The following H4C3 variants were observed in gnomAD, a reference collection of about 807,000 sequenced individuals.
H4C3 encodes H4 clustered histone 3.
H4C3 carries 10 observed loss-of-function variants against 5.3 expected under a neutral mutation model. The ratio of observed to expected loss-of-function variants is 1.87; its 90% confidence interval spans 1.16 to 3.18. The LOEUF (loss-of-function observed/expected upper bound fraction) is 3.18, where lower values mean the gene tolerates loss of function less well. Among genes scored for constraint, H4C3 ranks in the 30% most tolerant of loss-of-function variants. H4C3 has a pLI of 0.00. For synonymous variants in H4C3, 133 were observed against 56.8 expected, an observed-to-expected ratio of 2.34 and a Z score of -6.03; for missense variants, 191 against 152.5, an observed-to-expected ratio of 1.25 and a Z score of -1.33.
In H4C3 at chr6:26,104,102, A is replaced by G. The variant is rs769218475; in HGVS notation, c.155A>G (p.Tyr52Cys). 1.9e-6 allele frequency: 3 copies of G among 1,614,140 alleles called. No homozygotes were observed. The highest frequency in any genetic ancestry group is 1.1e-5 in the South Asian group (1 of 91,080). ...GGVKRISGLI[Y>C]EETRGVLKVF... is the part of the protein sequence containing the mutation. Reference sequence around the variant, plus strand: ...GTCAAGCGCATTTCCGGTCTTATCTATGAGGAGACTCGAGGTGTGCTTAAG... The same window carrying G: ...GTCAAGCGCATTTCCGGTCTTATCTGTGAGGAGACTCGAGGTGTGCTTAAG... Residue 52 changes from tyrosine (Y) to cysteine (C), a missense_variant, in exon 1 of 1, where the codon TAT (tyrosine) becomes TGT (cysteine). Transcript: ENST00000377803.
At position 26,104,305 on chromosome 6, in the gene H4C3, A is replaced by G; in HGVS notation, c.*46A>G. 2.0e-6 allele frequency: 3 copies of G among 1,511,230 alleles called. No individual in the cohort carries two copies. The highest frequency in any genetic ancestry group is 2.6e-5 in the South Asian group (2 of 76,116). 93.6% of individuals were successfully genotyped at this position (1,511,230 alleles called of 1,614,324 possible). On this transcript the variant is annotated 3_prime_UTR_variant, in exon 1 of 1. Coordinates refer to ENST00000377803, the MANE Select transcript of H4C3 (RefSeq NM_003542.4). ...CTGAGAACTTCAAAAAACAAAAACA[A>G]AAAAACCCAAAGGCCCTTTTCAGGG...
rs138617314 is a variant in H4C3, at chr6:26,104,326, C to G, written c.*67C>G. ...AACAAAAAAACCCAAAGGCCCTTTT[C>G]AGGGCCGCTCACAAAGTCGTTTAAA... On this transcript the variant is annotated 3_prime_UTR_variant, in exon 1 of 1. Coordinates refer to ENST00000377803, the MANE Select transcript of H4C3 (RefSeq NM_003542.4). The G allele has an allele frequency of 2.2e-6, 3 of 1,388,518 alleles. No homozygotes were observed. The highest frequency in any genetic ancestry group is 2.9e-6 in the Non-Finnish European group (3 of 1,028,632). The allele number at this position is 1,388,518 out of a possible 1,614,324, so 86.0% of individuals were successfully genotyped here. A position where few individuals can be genotyped will look rare whatever the true frequency, so the allele number is the denominator to read the frequency against.
rs747366650 is a variant in H4C3 at position 26,104,189 on chromosome 6, CTG to C, written c.244_245del (p.Val82HisfsTer?). On this transcript the variant is annotated frameshift_variant, in exon 1 of 1. Transcript: ENST00000377803. LOFTEE classifies it high-confidence loss of function. ...TATACGGAGCACGCCAAGCGCAAAA[CTG>C]TCACAGCCATGGATGTAGTATATGC... 5.6e-6 allele frequency: 9 copies of C among 1,614,180 alleles called. No homozygotes were observed. Among genetic ancestry groups the C allele is most frequent in the Non-Finnish European group, 6.8e-6 (8 of 1,180,028 alleles).
rs1241263333 is a variant in H4C3 at position 26,103,990 on chromosome 6, G to T, written c.43G>T (p.Gly15Cys). Residue 15 changes from glycine (G) to cysteine (C), a missense_variant, in exon 1 of 1, where the codon GGT becomes TGT. Coordinates refer to ENST00000377803, the MANE Select transcript of H4C3 (RefSeq NM_003542.4). ...GKGGKGLGKG[G>C]AKRHRKVLRD... ...AGGCGGAAAAGGCTTGGGGAAGGGT[G>T]GTGCTAAGCGCCATCGTAAGGTGCT... is the stretch of plus-strand genomic sequence containing the variant. 2 of 1,613,374 alleles carry T rather than the reference G, an allele frequency of 1.2e-6. No homozygotes were observed. Among genetic ancestry groups the T allele is most frequent in the African/African-American group, 1.3e-5 (1 of 74,912 alleles).
chr6:26,103,999 C>T lies in H4C3; in HGVS notation c.52C>T (p.Arg18Cys), dbSNP rs757621417. 6.8e-6 allele frequency: 11 copies of T among 1,613,940 alleles called. No individual in the cohort carries two copies. The highest frequency in any genetic ancestry group is 1.1e-5 in the South Asian group (1 of 91,066). ...GKGLGKGGAKRHRKVLRDNIQ... is the reference protein window; with the variant it reads ...GKGLGKGGAKCHRKVLRDNIQ... ...AGGCTTGGGGAAGGGTGGTGCTAAG[C>T]GCCATCGTAAGGTGCTCCGGGATAA... The change falls in exon 1 of 1, where the codon CGC (arginine) becomes TGC (cysteine). Residue 18 changes from arginine (R) to cysteine (C), a missense_variant. By Grantham distance (180) the Arg-to-Cys change is radical. Transcript: ENST00000377803.
Position 26,104,200 on chromosome 6 carries a change from A to G in H4C3, c.253A>G (p.Met85Val), listed in dbSNP as rs947589839. 12 of 1,614,020 alleles carry G rather than the reference A, an allele frequency of 7.4e-6. No individual in the cohort carries two copies. The highest frequency in any genetic ancestry group is 9.3e-6 in the Non-Finnish European group (11 of 1,180,004). The change falls in exon 1 of 1, where the codon ATG (methionine) becomes GTG (valine). Residue 85 changes from methionine to valine, a missense_variant. By Grantham distance (21) the Met-to-Val change is conservative. Transcript: ENST00000377803. ...CGCCAAGCGCAAAACTGTCACAGCC[A>G]TGGATGTAGTATATGCCCTAAAACG... ...EHAKRKTVTA[M>V]DVVYALKRQG... is the part of the protein sequence containing the mutation.
In H4C3 at chr6:26,104,303, CA is replaced by C. The variant is rs58741377; in HGVS notation, c.*51del. On this transcript the variant is annotated 3_prime_UTR_variant, in exon 1 of 1. Coordinates refer to ENST00000377803, the MANE Select transcript of H4C3 (RefSeq NM_003542.4). ...TCCTGAGAACTTCAAAAAACAAAAA[CA>C]AAAAAACCCAAAGGCCCTTTTCAGG... 41 of 1,510,114 alleles carry C rather than the reference CA, an allele frequency of 2.7e-5. No individual in the cohort carries two copies. The highest frequency in any genetic ancestry group is 3.4e-5 in the Non-Finnish European group (38 of 1,124,902). The allele number at this position is 1,510,114 out of a possible 1,614,324, so 93.5% of individuals were successfully genotyped here. A position where few individuals can be genotyped will look rare whatever the true frequency, so the allele number is the denominator to read the frequency against.
At position 26,104,232 on chromosome 6, in the gene H4C3, G is replaced by T. The variant is rs1265050141; in HGVS notation, c.285G>T (p.Gly95=). The T allele has an allele frequency of 4.4e-6, 7 of 1,607,282 alleles. No homozygotes were observed. In the Middle Eastern group the frequency reaches 6.7e-4, roughly 153 times the overall value. The change falls in exon 1 of 1, where the codon GGG becomes GGT. Residue 95 remains glycine (G), a synonymous_variant. Coordinates refer to ENST00000377803, the MANE Select transcript of H4C3 (RefSeq NM_003542.4). ...TAGTATATGCCCTAAAACGTCAGGG[G>T]CGCACTCTGTATGGCTTCGGCGGCT... is the stretch of plus-strand genomic sequence containing the variant. ...MDVVYALKRQ[G]RTLYGFGG
rs1378358720 is a variant in H4C3 at position 26,104,253 on chromosome 6, C to T, written c.306C>T (p.Gly102=). The part of the protein sequence containing the change: ...KRQGRTLYGF[G]G ...AGGGGCGCACTCTGTATGGCTTCGG[C>T]GGCTGAATCTAAGAATACGCGGTCT... Residue 102 remains glycine (G), a synonymous_variant, in exon 1 of 1, where the codon GGC becomes GGT. Transcript: ENST00000377803. 1.9e-6 allele frequency: 3 copies of T among 1,585,264 alleles called. No homozygotes were observed. The highest frequency in any genetic ancestry group is 1.8e-5 in the Admixed American group (1 of 56,940).
In H4C3 at chr6:26,103,934, C is replaced by T. The variant is rs570168191; in HGVS notation, c.-14C>T. The T allele has an allele frequency of 1.8e-5, 29 of 1,592,884 alleles. No homozygotes were observed. Among genetic ancestry groups the T allele is most frequent in the Admixed American group, 8.5e-5 (5 of 58,642 alleles). ...GAACTGTTTCAGTTCATACCTTCCACTGCGATAGGAATCATGTCTGGTCGC... is the reference window on the plus strand; with the variant it reads ...GAACTGTTTCAGTTCATACCTTCCATTGCGATAGGAATCATGTCTGGTCGC... On this transcript the variant is annotated 5_prime_UTR_variant, in exon 1 of 1. Coordinates refer to ENST00000377803, the MANE Select transcript of H4C3 (RefSeq NM_003542.4).
At position 26,104,290 on chromosome 6, in the gene H4C3, C is replaced by T; in HGVS notation, c.*31C>T. 6.5e-7 allele frequency: 1 copy of T among 1,530,754 alleles called. No homozygotes were observed. Among genetic ancestry groups the T allele is most frequent in the Non-Finnish European group, 8.8e-7 (1 of 1,138,354 alleles). The allele number at this position is 1,530,754 out of a possible 1,614,324, so 94.8% of individuals were successfully genotyped here. A position where few individuals can be genotyped will look rare whatever the true frequency, so the allele number is the denominator to read the frequency against. On this transcript the variant is annotated 3_prime_UTR_variant, in exon 1 of 1. Transcript: ENST00000377803. ...AGAATACGCGGTCTCCTGAGAACTT[C>T]AAAAAACAAAAACAAAAAAACCCAA... is the stretch of plus-strand genomic sequence containing the variant.
In H4C3 at chr6:26,104,295, A is replaced by C. The variant is rs746933560; in HGVS notation, c.*36A>C. ...ACGCGGTCTCCTGAGAACTTCAAAA[A>C]ACAAAAACAAAAAAACCCAAAGGCC... On this transcript the variant is annotated 3_prime_UTR_variant, in exon 1 of 1. Coordinates refer to ENST00000377803, the MANE Select transcript of H4C3 (RefSeq NM_003542.4). 10 of 1,529,094 alleles carry C rather than the reference A, an allele frequency of 6.5e-6. No homozygotes were observed. Among genetic ancestry groups the C allele is most frequent in the South Asian group, 5.1e-5 (4 of 78,204 alleles). 94.7% of individuals were successfully genotyped at this position (1,529,094 alleles called of 1,614,324 possible). A position where few individuals can be genotyped will look rare whatever the true frequency, so the allele number is the denominator to read the frequency against.
Position 26,104,318 on chromosome 6 carries a change from G to A in H4C3, c.*59G>A. The A allele has an allele frequency of 2.1e-6, 3 of 1,458,412 alleles. No individual in the cohort carries two copies. The highest frequency in any genetic ancestry group is 2.8e-6 in the Non-Finnish European group (3 of 1,084,788). The allele number at this position is 1,458,412 out of a possible 1,614,324, so 90.3% of individuals were successfully genotyped here. A position where few individuals can be genotyped will look rare whatever the true frequency, so the allele number is the denominator to read the frequency against. ...AAAACAAAAACAAAAAAACCCAAAGGCCCTTTTCAGGGCCGCTCACAAAGT... is the reference window on the plus strand; with the variant it reads ...AAAACAAAAACAAAAAAACCCAAAGACCCTTTTCAGGGCCGCTCACAAAGT... On this transcript the variant is annotated 3_prime_UTR_variant, in exon 1 of 1. Coordinates refer to ENST00000377803, the MANE Select transcript of H4C3 (RefSeq NM_003542.4).
In H4C3 at chr6:26,104,118, T is replaced by C; in HGVS notation, c.171T>C (p.Gly57=). The C allele has an allele frequency of 6.2e-7, 1 of 1,614,046 alleles. No homozygotes were observed. Among genetic ancestry groups the C allele is most frequent in the Admixed American group, 1.7e-5 (1 of 60,018 alleles). The part of the protein sequence containing the change: ...ISGLIYEETR[G]VLKVFLENVI... The stretch of plus-strand genomic sequence containing the variant: ...GTCTTATCTATGAGGAGACTCGAGG[T>C]GTGCTTAAGGTTTTCTTAGAGAACG... Residue 57 remains glycine (G), a synonymous_variant, in exon 1 of 1, where the codon GGT becomes GGC. Coordinates refer to ENST00000377803, the MANE Select transcript of H4C3 (RefSeq NM_003542.4).
At position 26,103,996 on chromosome 6, in the gene H4C3, A is replaced by G. The variant is rs1008519440; in HGVS notation, c.49A>G (p.Lys17Glu). 1.2e-6 allele frequency: 2 copies of G among 1,613,876 alleles called. No individual in the cohort carries two copies. Among genetic ancestry groups the G allele is most frequent in the Admixed American group, 3.3e-5 (2 of 60,008 alleles). ...GGKGLGKGGAKRHRKVLRDNI... is the reference protein window; with the variant it reads ...GGKGLGKGGAERHRKVLRDNI... ...AAAAGGCTTGGGGAAGGGTGGTGCTAAGCGCCATCGTAAGGTGCTCCGGGA... is the reference window on the plus strand; with the variant it reads ...AAAAGGCTTGGGGAAGGGTGGTGCTGAGCGCCATCGTAAGGTGCTCCGGGA... Residue 17 changes from lysine to glutamate, a missense_variant, in exon 1 of 1, where the codon AAG becomes GAG. Coordinates refer to ENST00000377803, the MANE Select transcript of H4C3 (RefSeq NM_003542.4).
rs543694435 is a variant in H4C3 at position 26,104,109 on chromosome 6, G to C, written c.162G>C (p.Glu54Asp). The C allele has an allele frequency of 8.7e-6, 14 of 1,614,058 alleles. No individual in the cohort carries two copies. Among genetic ancestry groups the C allele is most frequent in the African/African-American group, 8.0e-5 (6 of 74,928 alleles). ...GCATTTCCGGTCTTATCTATGAGGA[G>C]ACTCGAGGTGTGCTTAAGGTTTTCT... is the stretch of plus-strand genomic sequence containing the variant. ...VKRISGLIYE[E>D]TRGVLKVFLE... Residue 54 changes from glutamate to aspartate, a missense_variant, in exon 1 of 1, where the codon GAG becomes GAC. By Grantham distance (45) the Glu-to-Asp change is conservative (BLOSUM62 2). Transcript: ENST00000377803.
At position 26,103,998 on chromosome 6, in the gene H4C3, G is replaced by T. The variant is rs747221249; in HGVS notation, c.51G>T (p.Lys17Asn). The T allele has an allele frequency of 1.2e-6, 2 of 1,614,022 alleles. No individual in the cohort carries two copies. The highest frequency in any genetic ancestry group is 1.7e-6 in the Non-Finnish European group (2 of 1,179,886). ...AAGGCTTGGGGAAGGGTGGTGCTAAGCGCCATCGTAAGGTGCTCCGGGATA... is the reference window on the plus strand; with the variant it reads ...AAGGCTTGGGGAAGGGTGGTGCTAATCGCCATCGTAAGGTGCTCCGGGATA... Reference protein sequence around the residue: ...GGKGLGKGGAKRHRKVLRDNI... With the variant: ...GGKGLGKGGANRHRKVLRDNI... The change falls in exon 1 of 1, where the codon AAG becomes AAT. Residue 17 changes from lysine (K) to asparagine (N), a missense_variant. Transcript: ENST00000377803.
chr6:26,104,044 C>T lies in H4C3; in HGVS notation c.97C>T (p.Pro33Ser), dbSNP rs757537589. ...GGATAACATCCAGGGCATTACAAAA[C>T]CGGCTATTCGCCGTTTGGCTCGGCG... is the stretch of plus-strand genomic sequence containing the variant. Reference protein sequence around the residue: ...LRDNIQGITKPAIRRLARRGG... With the variant: ...LRDNIQGITKSAIRRLARRGG... The change falls in exon 1 of 1, where the codon CCG becomes TCG. Residue 33 changes from proline to serine, a missense_variant. Physicochemically the swap from Pro to Ser is moderately conservative, Grantham distance 74. Coordinates refer to ENST00000377803, the MANE Select transcript of H4C3 (RefSeq NM_003542.4). 1 of 1,614,164 alleles carries T rather than the reference C, an allele frequency of 6.2e-7. No homozygotes were observed. Among genetic ancestry groups the T allele is most frequent in the African/African-American group, 1.3e-5 (1 of 75,038 alleles).
rs747462828 is a variant in H4C3 at position 26,104,169 on chromosome 6, G to A, written c.222G>A (p.Thr74=). 13 of 1,613,988 alleles carry A rather than the reference G, an allele frequency of 8.1e-6. No homozygotes were observed. The highest frequency in any genetic ancestry group is 4.4e-5 in the South Asian group (4 of 91,090). ...ENVIRDAVTY[T]EHAKRKTVTA... ...TTATTCGAGACGCCGTCACCTATAC[G>A]GAGCACGCCAAGCGCAAAACTGTCA... The change falls in exon 1 of 1, where the codon ACG becomes ACA. Residue 74 remains threonine (T), a synonymous_variant. Transcript: ENST00000377803.
Sources: allele counts gnomAD v4.1 joint callset, GRCh38; gene constraint gnomAD v4.1.1; transcripts MANE v1.5; gene names NCBI Gene and HGNC (gene_info 2026-07-23, HGNC 2026-07-21).